Variants in FSTL1 observed in about 807,000 individuals in gnomAD.
FSTL1 encodes follistatin-related protein 1.
Under a neutral mutation model 45.9 loss-of-function variants are expected in FSTL1, and 24 were observed. That is an observed-to-expected ratio of 0.52 (90% confidence interval 0.38 to 0.74). The LOEUF (loss-of-function observed/expected upper bound fraction) is 0.74. Ranked by LOEUF, FSTL1 falls within the 30% of genes least tolerant of loss-of-function variation. The probability of loss-of-function intolerance (pLI) is 0.00; values close to 1 mark genes in which losing one functional copy is unlikely to be tolerated. For synonymous variants in FSTL1, 120 were observed against 137.6 expected (o/e 0.87, Z 0.89); for missense variants, 340 against 381.8 (o/e 0.89, Z 0.91).
chr3:120,440,622 C>G (rs1411919305), intron 2 of FSTL1, among the ~76,000 whole-genome samples: 1 of 152,236 alleles, frequency 6.6e-6, no homozygotes, highest in Non-Finnish European at 1.5e-5. Flanking sequence ...TCCACCAGCA[C>G]TAACTCAGTG....
chr3:120,437,326 G>A (rs1052254012), intron 2 of FSTL1, among the ~76,000 whole-genome samples: 2 of 152,208 alleles, frequency 1.3e-5, no homozygotes, highest in African/African-American at 4.8e-5. Context: ...GGTAGGGAAT[G>A]AGTGAATGAA....
At chr3:120,422,831 A>T (rs1937304859) in intron 2 of FSTL1, among the ~76,000 whole-genome samples, 1 of 152,050 alleles carries the variant, frequency 6.6e-6, no homozygotes, top group South Asian at 2.1e-4. Flanking sequence ...AGTAGCTGAG[A>T]TTACAGGCAC....
intron 7 of FSTL1, 41 bp downstream of exon 7, chr3:120,404,812 T>C: frequency 1.0e-6 from 1 of 996,696 alleles, no homozygotes; most frequent in Non-Finnish European, 1.6e-6. Flanking sequence ...TCAGTTAGTC[T>C]TCCCTTGTGG....
chr3:120,449,166 GTTCAGATCCTGC>G (rs1341754399), intron 2 of FSTL1, among the ~76,000 whole-genome samples: 1 of 152,220 alleles, frequency 6.6e-6, no homozygotes, highest in Non-Finnish European at 1.5e-5. Context: ...AGAGAGGTAG[GTTCAGATCCTGC>G]TTCAGAGCTA....
chr3:120,414,801 T>C (rs926459536), intron 3 of FSTL1, among the ~76,000 whole-genome samples: 7 of 151,786 alleles, frequency 4.6e-5, no homozygotes, highest in African/African-American at 7.3e-5. Flanking sequence ...AGCATGCTCA[T>C]TAAGAGTCAT....
chr3:120,419,532 A>G (rs1937242904), intron 2 of FSTL1: 1 of 152,226 alleles, frequency 6.6e-6, no homozygotes, highest in African/African-American at 2.4e-5. Flanking sequence ...GAACATGCTC[A>G]TGGGTTCAAC....
intron 2 of FSTL1, among the ~76,000 whole-genome samples, chr3:120,442,807 A>ACTGCC (rs1559745446): frequency 6.8e-6 from 1 of 147,350 alleles, no homozygotes; most frequent in African/African-American, 2.6e-5. Flanking sequence ...AAAAAAAAAA[A>ACTGCC]AAAGCAGACT....
At chr3:120,403,888 T>C (rs1202228717) in intron 7 of FSTL1, among the ~76,000 whole-genome samples, 7 of 117,808 alleles carry the variant, frequency 5.9e-5, no homozygotes, top group Admixed American at 2.5e-4. Context: ...GCCACTGCAC[T>C]CCAGCCTGGG....
At chr3:120,400,018 G>A (rs368394559) in intron 9 of FSTL1, 59 bp from the exon 10 acceptor site, 23 of 1,111,412 alleles carry the variant, frequency 2.1e-5, no homozygotes, top group East Asian at 1.5e-4. Flanking sequence ...TGAGGAATCC[G>A]CCAAGATCTA....
intron 6 of FSTL1, among the ~76,000 whole-genome samples, chr3:120,407,034 G>A (rs1425917522): frequency 6.6e-6 from 1 of 152,152 alleles, no homozygotes. Flanking sequence ...TTTTGACTGT[G>A]TTTTGAATGC....
At chr3:120,434,895 T>G (rs1937525628) in intron 2 of FSTL1, among the ~76,000 whole-genome samples, 1 of 152,200 alleles carries the variant, frequency 6.6e-6, no homozygotes, top group Non-Finnish European at 1.5e-5. Context: ...AATTATCATT[T>G]GTGAGTTGTG....
rs943852025 is a variant in FSTL1, at chr3:120,393,756, G to A, written c.*3196C>T. 3 of 152,188 alleles carry A rather than the reference G, an allele frequency of 2.0e-5. No individual in the cohort carries two copies. The highest frequency in any genetic ancestry group is 7.2e-5 in the African/African-American group (3 of 41,438). 9.4% of individuals were successfully genotyped at this position (152,188 alleles called of 1,614,324 possible). A position where few individuals can be genotyped will look rare whatever the true frequency, so the allele number is the denominator to read the frequency against. Reference sequence around the variant, plus strand: ...CCCCAAAGCAATGGTATTGAGAGGTGAGGCTCTTGGGAGATGATTAGGTCA... The same window carrying A: ...CCCCAAAGCAATGGTATTGAGAGGTAAGGCTCTTGGGAGATGATTAGGTCA... On this transcript the variant is annotated 3_prime_UTR_variant, in exon 11 of 11. Coordinates refer to ENST00000295633, the MANE Select transcript of FSTL1 (RefSeq NM_007085.5).
intron 2 of FSTL1, among the ~76,000 whole-genome samples, chr3:120,430,752 G>A (rs774099861): frequency 6.6e-6 from 1 of 152,182 alleles, no homozygotes; most frequent in Non-Finnish European, 1.5e-5. Flanking sequence ...AGTGCCAGGG[G>A]CTCAAGGAGG....
At chr3:120,401,009 A>G (rs560536851) in intron 9 of FSTL1, among the ~76,000 whole-genome samples, 1 of 152,348 alleles carries the variant, frequency 6.6e-6, no homozygotes, top group African/African-American at 2.4e-5. Context: ...GATGCATGTG[A>G]TAGAGATTAT....
At chr3:120,450,534 A>G (rs1937866034) in intron 2 of FSTL1, 150 bp downstream of exon 2, 1 of 493,348 alleles carries the variant, frequency 2.0e-6, no homozygotes, top group African/African-American at 2.0e-5. Flanking sequence ...AAGCAGCATT[A>G]CTGCCCCAGC....
chr3:120,418,309 C>T (rs890995051), intron 2 of FSTL1, among the ~76,000 whole-genome samples: 2 of 152,186 alleles, frequency 1.3e-5, no homozygotes, highest in Admixed American at 1.3e-4. Flanking sequence ...GGTCAGATAA[C>T]TTGCCCAAGT....
In FSTL1 at chr3:120,403,344, C is replaced by T. The variant is rs1184278561; in HGVS notation, c.592G>A (p.Val198Ile). The T allele has an allele frequency of 6.3e-7, 1 of 1,592,700 alleles. No individual in the cohort carries two copies. The highest frequency in any genetic ancestry group is 8.6e-7 in the Non-Finnish European group (1 of 1,160,406). The change falls in exon 8 of 11, where the codon GTT becomes ATT. Residue 198 changes from valine to isoleucine, a missense_variant. Physicochemically the swap from Val to Ile is conservative, Grantham distance 29 (BLOSUM62 3). Transcript: ENST00000295633. ...ENNKLLRGLC[V>I]DALIELSDEN... is the part of the protein sequence containing the mutation. ...TCAGACAGTTCAATGAGAGCATCAA[C>T]ACAGAGTCCCCTGAAACAAAACACA...
chr3:120,412,073 AG>A, intron 3 of FSTL1, 90 bp from the exon 4 acceptor site: 1 of 1,127,742 alleles, frequency 8.9e-7, no homozygotes, highest in Non-Finnish European at 1.3e-6. Flanking sequence ...ACACACACAG[AG>A]CCATTTTGTA....
At chr3:120,443,412 G>T (rs1374444381) in intron 2 of FSTL1, among the ~76,000 whole-genome samples, 1 of 149,878 alleles carries the variant, frequency 6.7e-6, no homozygotes, top group Non-Finnish European at 1.5e-5. Context: ...TAGCTTATGT[G>T]CAAACTGACT....
Sources: gnomAD v4.1 joint callset for allele counts (sites outside exome capture counted in the v4.1 genomes callset) on GRCh38, gnomAD v4.1.1 for gene constraint, MANE v1.5 for transcripts, NCBI Gene and HGNC (gene_info 2026-07-23, HGNC 2026-07-21) for gene names.